Variants in OPRM1 observed in about 807,000 individuals in gnomAD.
OPRM1 encodes opioid receptor mu 1.
A neutral mutation model predicts 31.8 loss-of-function variants in OPRM1; 27 were observed. The observed-to-expected ratio is 0.85, with a 90% confidence interval of 0.63 to 1.17. The LOEUF (loss-of-function observed/expected upper bound fraction) is 1.17. Among genes scored for constraint, OPRM1 ranks in the 50% most tolerant of loss-of-function variants. The pLI is 0.00. For missense variants in OPRM1, 536 were observed against 511.1 expected, an observed-to-expected ratio of 1.05 and a Z score of -0.47; for synonymous variants, 196 against 189.9, an observed-to-expected ratio of 1.03 and a Z score of -0.26.
intron 1 of OPRM1, among the ~76,000 whole-genome samples, chr6:154,052,264 A>C (rs1031914044): frequency 2.0e-5 from 3 of 152,228 alleles, no homozygotes; most frequent in African/African-American, 7.2e-5. Flanking sequence ...TGATAGGTGC[A>C]GCAAACCACC....
intron 3 of OPRM1, among the ~76,000 whole-genome samples, chr6:154,243,866 C>G (rs1231843637): frequency 1.3e-5 from 2 of 152,184 alleles, no homozygotes; most frequent in Non-Finnish European, 2.9e-5. Context: ...GTGGAGACAA[C>G]TACTACCTCT....
intron 3 of OPRM1, among the ~76,000 whole-genome samples, chr6:154,179,414 A>T (rs1028739254): frequency 6.6e-5 from 10 of 151,784 alleles, no homozygotes; most frequent in Non-Finnish European, 1.2e-4. Flanking sequence ...ATCTTACAAG[A>T]TCATAAAGAG....
intron 3 of OPRM1, among the ~76,000 whole-genome samples, chr6:154,171,730 G>A (rs1209322288): frequency 6.6e-6 from 1 of 152,220 alleles, no homozygotes; most frequent in African/African-American, 2.4e-5. Flanking sequence ...ATGGGGTCAA[G>A]CTGGAGACAC....
At position 154,235,787 on chromosome 6, in the gene OPRM1, C is replaced by T. The variant is rs1233728770; in HGVS notation, c.1165-10906C>T. On this transcript the variant is annotated intron_variant, in intron 3 of 3. Coordinates refer to the OPRM1 transcript ENST00000337049. ...TATGGAAATGGCCAATAAGCACATGCGAAAGTTGCTCAAGGTCACTAGTCA... is the reference window on the plus strand; with the variant it reads ...TATGGAAATGGCCAATAAGCACATGTGAAAGTTGCTCAAGGTCACTAGTCA... Among the ~76,000 whole-genome samples, 3 of 152,208 alleles carry T rather than the reference C, an allele frequency of 2.0e-5. No homozygotes were observed. The East Asian group carries it at 5.8e-4, about 29-fold the overall frequency.
chr6:154,139,038 A>C (rs1001574562), intron 3 of OPRM1, among the ~76,000 whole-genome samples: 2 of 152,226 alleles, frequency 1.3e-5, no homozygotes, highest in African/African-American at 2.4e-5. Flanking sequence ...TCCCTGACTC[A>C]CTGCCCCTCC....
intron 3 of OPRM1, chr6:154,199,757 A>G (rs765654612): frequency 1.2e-6 from 2 of 1,614,244 alleles, no homozygotes; most frequent in African/African-American, 1.3e-5. Context: ...ATCACTAGAT[A>G]AAGAGTTCAA....
chr6:154,163,235 C>A (rs1332103919), intron 3 of OPRM1, among the ~76,000 whole-genome samples: 4 of 152,212 alleles, frequency 2.6e-5, no homozygotes. Context: ...CATGCTCCAT[C>A]CCCACTACAT....
chr6:154,099,471 AAAG>A (rs1340657451), intron 3 of OPRM1, among the ~76,000 whole-genome samples: 1 of 149,238 alleles, frequency 6.7e-6, no homozygotes, highest in Non-Finnish European at 1.5e-5. Context: ...AAAGAAAGAA[AAAG>A]AAAGAAAGAA....
At chr6:154,228,793 C>A (rs1034787078) in intron 3 of OPRM1, among the ~76,000 whole-genome samples, 1 of 152,126 alleles carries the variant, frequency 6.6e-6, no homozygotes, top group Non-Finnish European at 1.5e-5. Context: ...GCGGCCAAGG[C>A]GGGAGGATGA....
chr6:154,219,966 T>G (rs1401634513), intron 3 of OPRM1, among the ~76,000 whole-genome samples: 1 of 149,538 alleles, frequency 6.7e-6, no homozygotes. Flanking sequence ...TGGACAGAGC[T>G]GAGCGGATAC....
At chr6:154,163,124 G>A (rs73565392) in intron 3 of OPRM1, among the ~76,000 whole-genome samples, 3,559 of 152,154 alleles carry the variant, frequency 0.023, 97 homozygotes, top group African/African-American at 0.065. Flanking sequence ...CCTTCCAGAG[G>A]GTCACTGTCT....
At chr6:154,182,402 A>G (rs1476030786) in intron 3 of OPRM1, among the ~76,000 whole-genome samples, 5 of 152,162 alleles carry the variant, frequency 3.3e-5, no homozygotes, top group African/African-American at 1.2e-4. Flanking sequence ...TCTTGAGGCA[A>G]TCGTTTTCTG....
At chr6:154,048,700 T>C (rs1781629792) in intron 1 of OPRM1, among the ~76,000 whole-genome samples, 1 of 152,252 alleles carries the variant, frequency 6.6e-6, no homozygotes, top group African/African-American at 2.4e-5. Context: ...CATGCATATT[T>C]AGCTTTTATC....
rs998701028 is a variant in OPRM1, at chr6:154,083,898, C to G, written c.291-5928C>G. Reference sequence around the variant, plus strand: ...GGCGGAGCTTGCAGTGAGCCGAGATCGCGCCACTGCACTCCAGCCTGGGCG... The same window carrying G: ...GGCGGAGCTTGCAGTGAGCCGAGATGGCGCCACTGCACTCCAGCCTGGGCG... On this transcript the variant is annotated intron_variant, in intron 1 of 3. Coordinates refer to ENST00000330432, the MANE Select transcript of OPRM1 (RefSeq NM_000914.5). 4.2e-5 allele frequency among the ~76,000 whole-genome samples: 6 copies of G among 141,948 alleles called. No individual in the cohort carries two copies. The East Asian group carries it at 1.4e-3, about 34-fold the overall frequency. 93.1% of individuals were successfully genotyped at this position (141,948 alleles called of 152,430 possible). A position where few individuals can be genotyped will look rare whatever the true frequency, so the allele number is the denominator to read the frequency against.
At chr6:154,065,150 A>AT (rs564465420) in intron 1 of OPRM1, among the ~76,000 whole-genome samples, 3,064 of 133,674 alleles carry the variant, frequency 0.023, 80 homozygotes, top group African/African-American at 0.054. Flanking sequence ...GTCTTCTTTA[A>AT]TTTTTTTTTT....
At chr6:154,158,850 T>C (rs1798816225) in intron 3 of OPRM1, 1 of 152,236 alleles carries the variant, frequency 6.6e-6, no homozygotes, top group South Asian at 2.1e-4. Context: ...AAGTGACATA[T>C]AAACATACAA....
chr6:154,063,291 A>G (rs1302502137), intron 1 of OPRM1, among the ~76,000 whole-genome samples: 4 of 152,000 alleles, frequency 2.6e-5, no homozygotes, highest in Non-Finnish European at 5.9e-5. Context: ...AAACCCCTGT[A>G]AAGAGTTAGT....
At chr6:154,099,709 A>G (rs1318598306) in intron 3 of OPRM1, among the ~76,000 whole-genome samples, 1 of 131,848 alleles carries the variant, frequency 7.6e-6, no homozygotes, top group East Asian at 2.3e-4. Flanking sequence ...GGAGGCTAGA[A>G]ACAAGATTCA....
At chr6:154,142,235 C>T (rs1798233755) in intron 3 of OPRM1, among the ~76,000 whole-genome samples, 1 of 53,756 alleles carries the variant, frequency 1.9e-5, no homozygotes, top group Non-Finnish European at 4.4e-5. Flanking sequence ...GCAGTTGTCA[C>T]ACTGCCCCTC....
Sources: allele counts gnomAD v4.1 joint callset (sites outside exome capture counted in the v4.1 genomes callset), GRCh38; gene constraint gnomAD v4.1.1; transcripts MANE v1.5; gene names NCBI Gene and HGNC (gene_info 2026-07-23, HGNC 2026-07-21).